Variants in SOX5 observed in about 807,000 individuals in gnomAD.
SOX5 encodes SRY-box transcription factor 5, also known as transcription factor SOX-5.
A neutral mutation model predicts 92.0 loss-of-function variants in SOX5; 9 were observed. The observed-to-expected ratio is 0.10, with a 90% CI of 0.06 to 0.17. SOX5 has a LOEUF of 0.17. SOX5 is among the 10% of genes least tolerant of loss of function. The pLI, the probability that SOX5 is intolerant of heterozygous loss-of-function variation, is 1.00. For synonymous variants in SOX5, 344 were observed against 336.3 expected (o/e 1.02, Z -0.25); for missense variants, 642 against 944.5 (o/e 0.68, Z 4.20).
chr12:23,998,425 C>A (rs991802062), intron 4 of SOX5, among the ~76,000 whole-genome samples: 3 of 151,800 alleles, frequency 2.0e-5, no homozygotes, highest in African/African-American at 7.3e-5. Context: ...AAGTTGAGAA[C>A]AAAGCCTTCT....
intron 1 of SOX5, among the ~76,000 whole-genome samples, chr12:24,376,713 TTTTTTTTTTTTTTTTTA>T (rs1957313903): frequency 2.4e-5 from 1 of 40,854 alleles, no homozygotes; most frequent in African/African-American, 1.0e-4. Flanking sequence ...TTTTTTTTTT[TTTTTTTTTTTTTTTTTA>T]CAGAGTCTCA....
intron 4 of SOX5, among the ~76,000 whole-genome samples, chr12:24,067,540 T>C (rs1464027030): frequency 6.6e-6 from 1 of 152,152 alleles, no homozygotes; most frequent in East Asian, 1.9e-4. Flanking sequence ...GATATCATTA[T>C]TATAGTAAAA....
intron 7 of SOX5, among the ~76,000 whole-genome samples, chr12:23,653,724 C>T (rs1298319667): frequency 6.6e-6 from 1 of 152,080 alleles, no homozygotes; most frequent in African/African-American, 2.4e-5. Flanking sequence ...TCTGGGGCCA[C>T]TCTTATAAGG....
intron 2 of SOX5, among the ~76,000 whole-genome samples, chr12:23,894,830 G>A (rs2097161870): frequency 6.6e-6 from 1 of 152,134 alleles, no homozygotes; most frequent in Non-Finnish European, 1.5e-5. Flanking sequence ...GCAGTAGAAT[G>A]TAAGATAAAA....
chr12:24,283,001 T>C (rs1290699326), intron 2 of SOX5, among the ~76,000 whole-genome samples: 1 of 152,246 alleles, frequency 6.6e-6, no homozygotes, highest in Non-Finnish European at 1.5e-5. Flanking sequence ...TAAAATACTT[T>C]AGCTTCTGTA....
Position 23,888,331 on chromosome 12 carries a change from C to G in SOX5, c.270+7462G>C, listed in dbSNP as rs118156512. Among the ~76,000 whole-genome samples, 25 of 152,264 alleles carry G rather than the reference C, an allele frequency of 1.6e-4. No individual in the cohort carries two copies. The East Asian group carries it at 4.4e-3, about 27-fold the overall frequency. Reference sequence around the variant, plus strand: ...TGGAAGCTCTTGCCTGTGCCCCTAACCCCTATCACTGCCTTACACTGTGTG... The same window carrying G: ...TGGAAGCTCTTGCCTGTGCCCCTAAGCCCTATCACTGCCTTACACTGTGTG... On this transcript the variant is annotated intron_variant, in intron 2 of 14. Coordinates refer to ENST00000451604, the MANE Select transcript of SOX5 (RefSeq NM_006940.6).
At chr12:24,194,969 T>G (rs1406045570) in intron 4 of SOX5, among the ~76,000 whole-genome samples, 1 of 152,142 alleles carries the variant, frequency 6.6e-6, no homozygotes, top group Non-Finnish European at 1.5e-5. Flanking sequence ...TGAGATTCCT[T>G]AGATAGTAAG....
chr12:24,371,779 G>A (rs961670004), intron 1 of SOX5, among the ~76,000 whole-genome samples: 2 of 152,166 alleles, frequency 1.3e-5, no homozygotes, highest in African/African-American at 4.8e-5. Context: ...CCTGAGATCA[G>A]GAGTTCCAGA....
chr12:24,132,425 A>C (rs1036897106), intron 4 of SOX5, among the ~76,000 whole-genome samples: 16 of 152,246 alleles, frequency 1.1e-4, no homozygotes, highest in African/African-American at 3.6e-4. Flanking sequence ...GTATCTATAT[A>C]TATTTTTAAT....
At chr12:24,546,555 C>T (rs7959244) in intron 1 of SOX5, among the ~76,000 whole-genome samples, 4 of 152,016 alleles carry the variant, frequency 2.6e-5, no homozygotes, top group Non-Finnish European at 5.9e-5. Context: ...CACTGCCATG[C>T]CTTTCCACTC....
intron 4 of SOX5, among the ~76,000 whole-genome samples, chr12:24,104,133 G>T (rs1265530261): frequency 6.6e-6 from 1 of 152,106 alleles, no homozygotes; most frequent in Non-Finnish European, 1.5e-5. Context: ...TATGTTATTG[G>T]TTGGCTCATT....
chr12:23,657,762 C>G (rs1200964360), intron 7 of SOX5, among the ~76,000 whole-genome samples: 1 of 152,118 alleles, frequency 6.6e-6, no homozygotes, highest in Non-Finnish European at 1.5e-5. Flanking sequence ...ATTTTGAAGT[C>G]TTTTGGCTGA....
intron 1 of SOX5, among the ~76,000 whole-genome samples, chr12:24,451,762 T>A (rs1942342902): frequency 6.6e-6 from 1 of 152,200 alleles, no homozygotes; most frequent in Non-Finnish European, 1.5e-5. Flanking sequence ...GGGCCTCCAC[T>A]TTCCCATGTT....
At chr12:24,060,607 C>A (rs1010870861) in intron 4 of SOX5, among the ~76,000 whole-genome samples, 1 of 152,292 alleles carries the variant, frequency 6.6e-6, no homozygotes, top group Admixed American at 6.5e-5. Flanking sequence ...AACAACTAGA[C>A]CTCCATTCTC....
chr12:24,023,018 G>C (rs775159001), intron 4 of SOX5, among the ~76,000 whole-genome samples: 1 of 151,892 alleles, frequency 6.6e-6, no homozygotes, highest in South Asian at 2.1e-4. Context: ...TCTACCTCCC[G>C]AGATATTCAA....
At chr12:24,042,720 T>A (rs2137012104) in intron 4 of SOX5, among the ~76,000 whole-genome samples, 1 of 152,262 alleles carries the variant, frequency 6.6e-6, no homozygotes, top group East Asian at 1.9e-4. Flanking sequence ...TCACTGGGTG[T>A]GTACTTGCAC....
chr12:23,679,601 G>A (rs1593219617), intron 6 of SOX5, among the ~76,000 whole-genome samples: 1 of 152,018 alleles, frequency 6.6e-6, no homozygotes, highest in Non-Finnish European at 1.5e-5. Flanking sequence ...CTTAGGTCTG[G>A]AGTTCAAACC....
At chr12:23,572,523 C>A (rs1948535362) in intron 10 of SOX5, among the ~76,000 whole-genome samples, 1 of 151,596 alleles carries the variant, frequency 6.6e-6, no homozygotes, top group Non-Finnish European at 1.5e-5. Flanking sequence ...TATGTTCTTG[C>A]CTTTCTAAAA....
chr12:23,987,707 C>A (rs1048128176), intron 4 of SOX5, among the ~76,000 whole-genome samples: 1 of 152,156 alleles, frequency 6.6e-6, no homozygotes, highest in African/African-American at 2.4e-5. Flanking sequence ...GCTTGAGGAT[C>A]TCTAGAGCCA....
Sources: gnomAD v4.1 joint callset for allele counts (sites outside exome capture counted in the v4.1 genomes callset) on GRCh38, gnomAD v4.1.1 for gene constraint, MANE v1.5 for transcripts, NCBI Gene and HGNC (gene_info 2026-07-23, HGNC 2026-07-21) for gene names.